The following COMMD10 variants were observed in gnomAD, a reference collection of about 807,000 sequenced individuals.
COMMD10 encodes the protein COMM domain-containing protein 10.
In COMMD10, 33 loss-of-function variants were observed where a neutral mutation model predicts 28.9. That is an observed-to-expected ratio of 1.14 (90% CI 0.87 to 1.53). The LOEUF is 1.53. Among genes scored for constraint, COMMD10 ranks in the 40% most tolerant of loss-of-function variants. COMMD10 has a pLI of 0.00. For missense variants in COMMD10, 310 were observed against 233.4 expected, an observed-to-expected ratio of 1.33 and a Z score of -2.14; for synonymous variants, 110 against 81.7, an observed-to-expected ratio of 1.35 and a Z score of -1.87.
At chr5:116,258,485 A>C (rs1449997256) in intron 5 of COMMD10, among the ~76,000 whole-genome samples, 1 of 151,642 alleles carries the variant, frequency 6.6e-6, no homozygotes, top group African/African-American at 2.4e-5. Context: ...TCATTTAATA[A>C]TTCTTAGATT....
rs1369935525 is a variant in COMMD10 at position 116,173,539 on chromosome 5, C to CT, written c.510+39368dup. 8.5e-5 allele frequency among the ~76,000 whole-genome samples: 13 copies of CT among 152,066 alleles called. No homozygotes were observed. The South Asian group carries it at 1.0e-3, about 12-fold the overall frequency. ...TTTTCAGCCATCACATTATGAATAG[C>CT]TTTTTTTAAAAAAGACTATTTCATC... On this transcript the variant is annotated intron_variant, in intron 5 of 6. Coordinates refer to ENST00000274458, the MANE Select transcript of COMMD10 (RefSeq NM_016144.4).
intron 5 of COMMD10, among the ~76,000 whole-genome samples, chr5:116,265,058 T>A (rs1470988279): frequency 6.6e-6 from 1 of 151,816 alleles, no homozygotes; most frequent in African/African-American, 2.4e-5. Context: ...TTTCATAGCC[T>A]CATTCTATTA....
At chr5:116,103,160 T>C (rs1345579187) in intron 4 of COMMD10, among the ~76,000 whole-genome samples, 1 of 152,188 alleles carries the variant, frequency 6.6e-6, no homozygotes, top group African/African-American at 2.4e-5. Flanking sequence ...AGTAGAATGA[T>C]TTATAATCCT....
intron 4 of COMMD10, among the ~76,000 whole-genome samples, chr5:116,110,632 C>A (rs942219972): frequency 6.6e-6 from 1 of 152,108 alleles, no homozygotes; most frequent in African/African-American, 2.4e-5. Flanking sequence ...CACAGAAATA[C>A]CTGTGACTGG....
chr5:116,169,924 G>A (rs10478288), intron 5 of COMMD10, among the ~76,000 whole-genome samples: 16,120 of 152,002 alleles, frequency 0.11, 955 homozygotes, highest in African/African-American at 0.15. Flanking sequence ...TTTGAAAACC[G>A]GCAGAAGACA....
intron 4 of COMMD10, among the ~76,000 whole-genome samples, chr5:116,094,420 T>A (rs1004056806): frequency 6.6e-6 from 1 of 152,202 alleles, no homozygotes; most frequent in Non-Finnish European, 1.5e-5. Context: ...GAAAAAATGC[T>A]TAAAATCACT....
intron 5 of COMMD10, among the ~76,000 whole-genome samples, chr5:116,200,186 T>A (rs1748628554): frequency 6.6e-6 from 1 of 152,128 alleles, no homozygotes; most frequent in African/African-American, 2.4e-5. Context: ...GGTCTCCTTG[T>A]GCCATCAAAC....
intron 5 of COMMD10, among the ~76,000 whole-genome samples, chr5:116,164,691 C>T (rs1463430552): frequency 6.6e-6 from 1 of 152,150 alleles, no homozygotes; most frequent in Non-Finnish European, 1.5e-5. Context: ...CATGTATTTA[C>T]TCATAATAAT....
At chr5:116,091,775 T>C (rs1051462511) in intron 3 of COMMD10, among the ~76,000 whole-genome samples, 1 of 152,224 alleles carries the variant, frequency 6.6e-6, no homozygotes, top group Non-Finnish European at 1.5e-5. Context: ...ATCATATTTT[T>C]TGTGTATCTT....
intron 5 of COMMD10, among the ~76,000 whole-genome samples, chr5:116,219,745 A>G (rs1290873779): frequency 6.6e-6 from 1 of 152,200 alleles, no homozygotes; most frequent in Non-Finnish European, 1.5e-5. Flanking sequence ...ATAGGTAACT[A>G]ATGCAAATAG....
chr5:116,200,334 C>G (rs1351754114), intron 5 of COMMD10, among the ~76,000 whole-genome samples: 1 of 151,844 alleles, frequency 6.6e-6, no homozygotes, highest in Non-Finnish European at 1.5e-5. Context: ...TTTTTCACCA[C>G]TTTGGCATCT....
intron 5 of COMMD10, among the ~76,000 whole-genome samples, chr5:116,246,695 A>C (rs552408348): frequency 4.1e-4 from 62 of 152,250 alleles, no homozygotes; most frequent in African/African-American, 1.4e-3. Flanking sequence ...TATACCTACA[A>C]CTATCTGATG....
chr5:116,243,215 G>A (rs1295067458), intron 5 of COMMD10, among the ~76,000 whole-genome samples: 2 of 152,094 alleles, frequency 1.3e-5, no homozygotes, highest in Non-Finnish European at 2.9e-5. Flanking sequence ...AACATCTTAT[G>A]TATGATTTCA....
rs537791890 is a variant in COMMD10 at position 116,090,127 on chromosome 5, A to G, written c.133-952A>G. Among the ~76,000 whole-genome samples the G allele has an allele frequency of 8.2e-5, 7 of 85,758 alleles. No individual in the cohort carries two copies. In the South Asian group the frequency reaches 1.1e-3, roughly 13 times the overall value. The allele number at this position is 85,758 out of a possible 152,430, so 56.3% of individuals were successfully genotyped here. On this transcript the variant is annotated intron_variant, in intron 2 of 6. Coordinates refer to ENST00000274458, the MANE Select transcript of COMMD10 (RefSeq NM_016144.4). Reference sequence around the variant, plus strand: ...GTCCAGACTGGTTCCTTGGAATCCCAAGGGGGAATCAATATGAGGGACTAA... The same window carrying G: ...GTCCAGACTGGTTCCTTGGAATCCCGAGGGGGAATCAATATGAGGGACTAA...
chr5:116,253,769 G>C (rs1170134662), intron 5 of COMMD10, among the ~76,000 whole-genome samples: 1 of 147,784 alleles, frequency 6.8e-6, no homozygotes, highest in East Asian at 2.0e-4. Flanking sequence ...TTTTTTGGTT[G>C]TGTCTTTGCC....
intron 5 of COMMD10, among the ~76,000 whole-genome samples, chr5:116,136,588 A>G (rs1752030727): frequency 6.6e-6 from 1 of 152,168 alleles, no homozygotes; most frequent in Non-Finnish European, 1.5e-5. Context: ...TGTCTGTTAT[A>G]TTTTTAGGCA....
At chr5:116,123,737 T>G (rs1751521004) in intron 4 of COMMD10, among the ~76,000 whole-genome samples, 1 of 151,982 alleles carries the variant, frequency 6.6e-6, no homozygotes, top group Non-Finnish European at 1.5e-5. Context: ...ATTATTTCCT[T>G]AATTTCAGAG....
At chr5:116,278,846 C>T (rs1750987928) in intron 5 of COMMD10, among the ~76,000 whole-genome samples, 1 of 151,700 alleles carries the variant, frequency 6.6e-6, no homozygotes, top group African/African-American at 2.4e-5. Flanking sequence ...CTATTTAGCC[C>T]ATATATTTTC....
chr5:116,236,535 G>T (rs1156572844), intron 5 of COMMD10, among the ~76,000 whole-genome samples: 2 of 149,228 alleles, frequency 1.3e-5, no homozygotes, highest in Non-Finnish European at 1.5e-5. Flanking sequence ...GAAGTGATCC[G>T]TTGGGCCGTG....
Sources: allele counts gnomAD v4.1 joint callset (sites outside exome capture counted in the v4.1 genomes callset), GRCh38; gene constraint gnomAD v4.1.1; transcripts MANE v1.5; gene names NCBI Gene and HGNC (gene_info 2026-07-23, HGNC 2026-07-21).